The following RBFOX1 variants were observed in gnomAD, a reference collection of about 807,000 sequenced individuals.
The protein encoded by RBFOX1 is RNA binding fox-1 homolog 1.
Under a neutral mutation model 57.7 loss-of-function variants are expected in RBFOX1, and 8 were observed. The observed-to-expected ratio is 0.14, with a 90% CI of 0.08 to 0.25. The LOEUF (loss-of-function observed/expected upper bound fraction) is 0.25. RBFOX1 is among the 10% of genes least tolerant of loss of function. The probability of loss-of-function intolerance (pLI) is 1.00; values close to 1 mark genes in which losing one functional copy is unlikely to be tolerated. For missense variants in RBFOX1, 611 were observed against 548.5 expected, an observed-to-expected ratio of 1.11 and a Z score of -1.14; for synonymous variants, 326 against 222.4, an observed-to-expected ratio of 1.47 and a Z score of -4.15.
chr16:6,488,503 C>A (rs1567408912), intron 2 of RBFOX1, among the ~76,000 whole-genome samples: 1 of 152,244 alleles, frequency 6.6e-6, no homozygotes, highest in East Asian at 1.9e-4. Flanking sequence ...TACAACTCTG[C>A]AAGGTAGGTA....
chr16:7,248,799 T>C (rs1043593577), intron 4 of RBFOX1, among the ~76,000 whole-genome samples: 1 of 152,256 alleles, frequency 6.6e-6, no homozygotes, highest in Admixed American at 6.5e-5. Context: ...GGGAAAATGC[T>C]ATTTATAACA....
rs182169931 is a variant in RBFOX1, at chr16:5,847,398, G to A, written c.319-19905G>A. Among the ~76,000 whole-genome samples the A allele has an allele frequency of 3.8e-3, 579 of 151,988 alleles. 3 individuals carry two copies. The highest frequency in any genetic ancestry group is 0.014 in the African/African-American group (565 of 41,442). Reference sequence around the variant, plus strand: ...GGGGGGGAATCTTAAAATAGATCCTGATTGCATCAAAGGATTAAAATGTGT... The same window carrying A: ...GGGGGGGAATCTTAAAATAGATCCTAATTGCATCAAAGGATTAAAATGTGT... On this transcript the variant is annotated intron_variant, in intron 3 of 19. Transcript: ENST00000641259.
At chr16:7,117,097 A>G (rs190304731) in intron 4 of RBFOX1, among the ~76,000 whole-genome samples, 1 of 152,176 alleles carries the variant, frequency 6.6e-6, no homozygotes, top group African/African-American at 2.4e-5. Context: ...ATAATGATAT[A>G]TCTGCAAAAC....
intron 3 of RBFOX1, among the ~76,000 whole-genome samples, chr16:6,734,205 A>G (rs111406048): frequency 2.6e-4 from 39 of 152,254 alleles, no homozygotes; most frequent in African/African-American, 8.7e-4. Flanking sequence ...CAGCTCTGCA[A>G]TTGTATGATG....
intron 2 of RBFOX1, among the ~76,000 whole-genome samples, chr16:6,651,856 C>T (rs1036867763): frequency 9.2e-5 from 14 of 152,180 alleles, no homozygotes; most frequent in African/African-American, 3.4e-4. Flanking sequence ...CAAATGTGGT[C>T]TCTCCATACA....
chr16:6,961,445 A>T (rs2082988169), intron 3 of RBFOX1, among the ~76,000 whole-genome samples: 1 of 152,228 alleles, frequency 6.6e-6, no homozygotes, highest in African/African-American at 2.4e-5. Flanking sequence ...TGCTTTTGTT[A>T]TCAGAAAGGG....
chr16:7,482,091 A>G (rs1251428613), intron 4 of RBFOX1, among the ~76,000 whole-genome samples: 2 of 152,242 alleles, frequency 1.3e-5, no homozygotes, highest in Non-Finnish European at 2.9e-5. Flanking sequence ...AGCAAGGGCT[A>G]GTGATGGTTA....
intron 11 of RBFOX1, 45 bp downstream of exon 11, chr16:7,630,728 G>C (rs767095182): frequency 4.3e-6 from 7 of 1,611,054 alleles, no homozygotes; most frequent in Admixed American, 1.7e-5. Context: ...ACATAAATCT[G>C]AGTCCAATCA....
At chr16:5,431,662 C>T (rs491028) in intron 1 of RBFOX1, among the ~76,000 whole-genome samples, 10,203 of 152,140 alleles carry the variant, frequency 0.067, 635 homozygotes, top group African/African-American at 0.17. Flanking sequence ...TGTGAGCCAC[C>T]GTGCCCAGCC....
chr16:6,671,510 A>C (rs1258633429), intron 3 of RBFOX1, among the ~76,000 whole-genome samples: 6 of 152,208 alleles, frequency 3.9e-5, no homozygotes, highest in Non-Finnish European at 7.3e-5. Flanking sequence ...GTTGGGATGC[A>C]TCTAGGAAGG....
intron 3 of RBFOX1, among the ~76,000 whole-genome samples, chr16:5,787,589 T>A (rs560782939): frequency 6.6e-6 from 1 of 152,230 alleles, no homozygotes; most frequent in African/African-American, 2.4e-5. Flanking sequence ...CAGTGATAAG[T>A]AAGTATATGT....
rs558441813 is a variant in RBFOX1, at chr16:6,974,884, A to T, written c.-15-77173A>T. ...TCCCTGGAAGGTGTTTCTTTCTGCA[A>T]ATAGCTGCGTGAGAAATCCAGCATG... On this transcript the variant is annotated intron_variant, in intron 3 of 15. Transcript: ENST00000550418. 1.3e-5 allele frequency among the ~76,000 whole-genome samples: 2 copies of T among 152,248 alleles called. 1 individual carries two copies. Among genetic ancestry groups the T allele is most frequent in the South Asian group, 4.1e-4 (2 of 4,822 alleles).
At chr16:7,692,440 A>G (rs2077551355) in intron 14 of RBFOX1, among the ~76,000 whole-genome samples, 1 of 152,152 alleles carries the variant, frequency 6.6e-6, no homozygotes, top group East Asian at 1.9e-4. Context: ...AAAACCAATC[A>G]TACTAAGAAG....
chr16:7,575,747 G>T (rs71374955), intron 5 of RBFOX1, among the ~76,000 whole-genome samples: 5 of 151,856 alleles, frequency 3.3e-5, no homozygotes, highest in Admixed American at 2.0e-4. Context: ...TAAAACGCTG[G>T]CTGGTTCTAA....
At chr16:6,396,320 A>C in intron 2 of RBFOX1, among the ~76,000 whole-genome samples, 1 of 152,170 alleles carries the variant, frequency 6.6e-6, no homozygotes. Flanking sequence ...CAAAGTACAC[A>C]CCAATCCATG....
intron 2 of RBFOX1, among the ~76,000 whole-genome samples, chr16:6,580,721 G>C (rs1324825195): frequency 1.3e-5 from 2 of 152,046 alleles, no homozygotes; most frequent in African/African-American, 4.8e-5. Flanking sequence ...CTAGAGATGA[G>C]ACCAGCTGAG....
intron 2 of RBFOX1, among the ~76,000 whole-genome samples, chr16:6,393,547 A>AC (rs1410562653): frequency 2.6e-5 from 4 of 151,646 alleles, no homozygotes; most frequent in Non-Finnish European, 5.9e-5. Flanking sequence ...ATCCTTGAAG[A>AC]CCCCCCACAT....
intron 2 of RBFOX1, among the ~76,000 whole-genome samples, chr16:6,619,848 C>G (rs144657640): frequency 6.6e-6 from 1 of 152,196 alleles, no homozygotes; most frequent in East Asian, 1.9e-4. Flanking sequence ...TCCTGATTGT[C>G]TCCCTCCTCC....
chr16:6,534,610 C>T (rs1183387261), intron 2 of RBFOX1, among the ~76,000 whole-genome samples: 1 of 152,080 alleles, frequency 6.6e-6, no homozygotes, highest in East Asian at 1.9e-4. Flanking sequence ...GGGTGATTTA[C>T]ACTAATCGTC....
Sources: allele counts gnomAD v4.1 joint callset (sites outside exome capture counted in the v4.1 genomes callset), GRCh38; gene constraint gnomAD v4.1.1; transcripts MANE v1.5; gene names NCBI Gene and HGNC (gene_info 2026-07-23, HGNC 2026-07-21).